LRRC7: variants seen among roughly 807,000 people sequenced by gnomAD.
The protein encoded by LRRC7 is leucine rich repeat containing 7, also known as leucine-rich repeat-containing protein 7.
A neutral mutation model predicts 175.7 loss-of-function variants in LRRC7; 23 were observed. That is an observed-to-expected ratio of 0.13 (90% confidence interval 0.09 to 0.19). The LOEUF is 0.19. LRRC7 is among the 10% of genes least tolerant of loss of function. LRRC7 has a pLI of 1.00. For synonymous variants in LRRC7, 685 were observed against 680.9 expected, an observed-to-expected ratio of 1.01 and a Z score of -0.09; for missense variants, 1,354 against 1,904.7, an observed-to-expected ratio of 0.71 and a Z score of 5.38.
intron 4 of LRRC7, among the ~76,000 whole-genome samples, chr1:69,819,585 G>C (rs1394535470): frequency 0.016 from 2,220 of 137,534 alleles, 44 homozygotes; most frequent in African/African-American, 0.067. Context: ...CTCTGTGTGT[G>C]TGTGTGTGTG....
intron 23 of LRRC7, among the ~76,000 whole-genome samples, chr1:70,054,886 G>A (rs535963330): frequency 2.6e-4 from 40 of 151,602 alleles, no homozygotes; most frequent in Non-Finnish European, 4.7e-4. Flanking sequence ...CACCGCTCCC[G>A]GCCTACACTC....
rs1557640624 is a variant in LRRC7, at chr1:69,717,794, GAAAGAAAGAA to G, written c.100+39318_100+39327del. Among the ~76,000 whole-genome samples the G allele has an allele frequency of 2.1e-4, 4 of 18,714 alleles. No homozygotes were observed. In the East Asian group the frequency reaches 3.9e-3, roughly 18 times the overall value. 12.3% of individuals were successfully genotyped at this position (18,714 alleles called of 152,430 possible). ...AAAAAGAAAGAAAGAAAGAAAGAAA[GAAAGAAAGAA>G]AGAAAGAAAGAAAGAAAGAAAGAAA... On this transcript the variant is annotated intron_variant, in intron 2 of 26. Transcript: ENST00000651989.
intron 2 of LRRC7, among the ~76,000 whole-genome samples, chr1:69,691,032 T>C (rs1320542224): frequency 6.6e-6 from 1 of 152,138 alleles, no homozygotes; most frequent in Admixed American, 6.5e-5. Flanking sequence ...GAAAACAATG[T>C]TTCATAATGT....
intron 1 of LRRC7, among the ~76,000 whole-genome samples, chr1:69,636,739 C>T (rs1570092287): frequency 6.6e-6 from 1 of 151,860 alleles, no homozygotes; most frequent in East Asian, 1.9e-4. Flanking sequence ...TTGAAATTCA[C>T]CTAAAATATT....
intron 23 of LRRC7, among the ~76,000 whole-genome samples, chr1:70,058,405 T>C (rs1321421679): frequency 6.6e-6 from 1 of 152,162 alleles, no homozygotes; most frequent in Non-Finnish European, 1.5e-5. Flanking sequence ...ACCCCAAAAT[T>C]CCAGGCAGTA....
chr1:69,765,071 A>G (rs1053593061), intron 3 of LRRC7, among the ~76,000 whole-genome samples: 20 of 152,070 alleles, frequency 1.3e-4, no homozygotes, highest in African/African-American at 4.3e-4. Flanking sequence ...CTGACCCTAC[A>G]CACTTACATC....
At chr1:69,867,176 T>C (rs1685040303) in intron 7 of LRRC7, among the ~76,000 whole-genome samples, 1 of 152,214 alleles carries the variant, frequency 6.6e-6, no homozygotes, top group Non-Finnish European at 1.5e-5. Flanking sequence ...TCTTCCTACA[T>C]TGAACCTTTA....
intron 7 of LRRC7, among the ~76,000 whole-genome samples, chr1:69,876,795 C>T (rs1040027584): frequency 6.6e-6 from 1 of 152,084 alleles, no homozygotes; most frequent in South Asian, 2.1e-4. Context: ...AGGATTAACA[C>T]TAGAAACACC....
chr1:70,048,550 A>T (rs570308737), intron 22 of LRRC7, among the ~76,000 whole-genome samples: 2 of 152,090 alleles, frequency 1.3e-5, no homozygotes, highest in Non-Finnish European at 2.9e-5. Context: ...ATAGAACATG[A>T]CTCATAGGTT....
intron 21 of LRRC7, among the ~76,000 whole-genome samples, chr1:70,040,176 A>T (rs191983469): frequency 6.6e-6 from 1 of 152,210 alleles, no homozygotes; most frequent in Non-Finnish European, 1.5e-5. Context: ...TAAAAAGTGG[A>T]TATTTCCCCC....
intron 8 of LRRC7, among the ~76,000 whole-genome samples, chr1:69,974,155 T>G (rs868039762): frequency 6.6e-5 from 10 of 152,216 alleles, no homozygotes; most frequent in African/African-American, 2.2e-4. Flanking sequence ...CAATATTGTT[T>G]GCAAGATCTA....
intron 1 of LRRC7, among the ~76,000 whole-genome samples, chr1:69,649,422 AC>A (rs1225830040): frequency 6.6e-6 from 1 of 152,216 alleles, no homozygotes; most frequent in Non-Finnish European, 1.5e-5. Context: ...GACCTACAGT[AC>A]TACGGAAGAA....
rs548344239 is a variant in LRRC7 at position 69,683,015 on chromosome 1, C to T, written c.100+4537C>T. 2.6e-5 allele frequency among the ~76,000 whole-genome samples: 4 copies of T among 152,262 alleles called. No individual in the cohort carries two copies. In the East Asian group the frequency reaches 7.7e-4, roughly 29 times the overall value. On this transcript the variant is annotated intron_variant, in intron 2 of 26. Transcript: ENST00000651989. ...AAATTGATGTCTCTAGACCAAACGT[C>T]TCTCTGTTCATCCCAATGTGCACTT...
chr1:69,862,018 C>T lies in LRRC7; in HGVS notation c.647+23735C>T, dbSNP rs767300442. ...CTGTTGAGATAATTCTTCAGATCCA[C>T]GGTAGCTGTGTGTCAGGGTAGCAGG... On this transcript the variant is annotated intron_variant, in intron 7 of 26. Coordinates refer to ENST00000651989, the MANE Select transcript of LRRC7 (RefSeq NM_001370785.2). 2.8e-4 allele frequency among the ~76,000 whole-genome samples: 43 copies of T among 152,278 alleles called. 1 individual carries two copies. Among genetic ancestry groups the T allele is most frequent in the African/African-American group, 7.7e-4 (32 of 41,558 alleles).
At chr1:69,583,476 T>C (rs1646279472) in intron 1 of LRRC7, among the ~76,000 whole-genome samples, 1 of 152,138 alleles carries the variant, frequency 6.6e-6, no homozygotes, top group South Asian at 2.1e-4. Context: ...TCAGTGGTTT[T>C]CAAACATTTT....
At chr1:69,621,287 C>A (rs1307290114) in intron 1 of LRRC7, among the ~76,000 whole-genome samples, 1 of 152,114 alleles carries the variant, frequency 6.6e-6, no homozygotes, top group African/African-American at 2.4e-5. Flanking sequence ...CTCAGGTGAT[C>A]CACCCGCCTT....
chr1:69,698,480 G>T (rs754748696), intron 2 of LRRC7, among the ~76,000 whole-genome samples: 25 of 152,168 alleles, frequency 1.6e-4, no homozygotes, highest in Admixed American at 1.3e-4. Context: ...TTAACTAAAT[G>T]AATAAGAAGC....
At chr1:69,890,994 C>A (rs1645816440) in intron 7 of LRRC7, among the ~76,000 whole-genome samples, 1 of 152,226 alleles carries the variant, frequency 6.6e-6, no homozygotes, top group African/African-American at 2.4e-5. Context: ...CAGACCACTA[C>A]CACTTTCTCC....
At chr1:70,043,872 T>C (rs1660118239) in intron 21 of LRRC7, 82 bp from the exon 22 acceptor site, 9 of 1,474,144 alleles carry the variant, frequency 6.1e-6, no homozygotes, top group African/African-American at 1.4e-5. Context: ...TTAAATGTTA[T>C]AAATTTAAAC....
Sources: allele counts gnomAD v4.1 joint callset (sites outside exome capture counted in the v4.1 genomes callset), GRCh38; gene constraint gnomAD v4.1.1; transcripts MANE v1.5; gene names NCBI Gene and HGNC (gene_info 2026-07-23, HGNC 2026-07-21).